The following SMCHD1 variants were observed in gnomAD, a reference collection of about 807,000 sequenced individuals.
SMCHD1 encodes the protein structural maintenance of chromosomes flexible hinge domain-containing protein 1.
In SMCHD1, 78 loss-of-function variants were observed where a neutral mutation model predicts 254.7. That is an observed-to-expected ratio of 0.31 (90% CI 0.26 to 0.37). The LOEUF (loss-of-function observed/expected upper bound fraction) is 0.37, where lower values mean the gene tolerates loss of function less well. Among genes scored for constraint, SMCHD1 ranks in the 10% least tolerant of loss-of-function variants. The pLI is 1.00. For missense variants in SMCHD1, 1,840 were observed against 2,408.1 expected, an observed-to-expected ratio of 0.76 and a Z score of 4.94; for synonymous variants, 766 against 794.9, an observed-to-expected ratio of 0.96 and a Z score of 0.61.
chr18:2,743,902 CT>C lies in SMCHD1; in HGVS notation c.3777del (p.Ile1260Ter). Reference protein sequence around the residue: ...LISGPPAKLLLIDWPELKESI... With the variant: ...LISGPPAKLLXIDWPELKESI... Reference sequence around the variant, plus strand: ...TTCTGGACCTCCTGCTAAACTTCTCCTTATAGACTGGCCAGAACTAAAGGAG... The same window carrying C: ...TTCTGGACCTCCTGCTAAACTTCTCCTATAGACTGGCCAGAACTAAAGGAG... On this transcript the variant is annotated frameshift_variant, in exon 29 of 48. Transcript: ENST00000320876. LOFTEE classifies it high-confidence loss of function. 6.2e-7 allele frequency: 1 copy of C among 1,612,612 alleles called. No homozygotes were observed. Among genetic ancestry groups the C allele is most frequent in the Non-Finnish European group, 8.5e-7 (1 of 1,179,320 alleles).
chr18:2,734,388 G>T (rs117733602), intron 25 of SMCHD1, among the ~76,000 whole-genome samples: 2,725 of 152,240 alleles, frequency 0.018, 40 homozygotes, highest in Middle Eastern at 0.1. Context: ...GTTGTTGCCT[G>T]CATTTGACAC....
chr18:2,706,800 G>C (rs2074525012), intron 15 of SMCHD1, among the ~76,000 whole-genome samples: 1 of 152,182 alleles, frequency 6.6e-6, no homozygotes, highest in Non-Finnish European at 1.5e-5. Context: ...GAGTGTATTA[G>C]TTCGTTTTCA....
chr18:2,679,733 T>C (rs1365351806), intron 5 of SMCHD1, among the ~76,000 whole-genome samples: 1 of 152,156 alleles, frequency 6.6e-6, no homozygotes, highest in Admixed American at 6.5e-5. Flanking sequence ...TTAGAGTTCA[T>C]TGAGCTTCTC....
At chr18:2,793,817 C>T (rs1363405375) in intron 45 of SMCHD1, among the ~76,000 whole-genome samples, 1 of 152,124 alleles carries the variant, frequency 6.6e-6, no homozygotes, top group Non-Finnish European at 1.5e-5. Flanking sequence ...CAAGCACACA[C>T]AGATGTGTAT....
rs1303203828 is a variant in SMCHD1, at chr18:2,750,049, C to G, written c.3934C>G (p.Pro1312Ala). Residue 1312 changes from proline to alanine, a missense_variant, in exon 31 of 48, where the codon CCT becomes GCT. This residue lies in a region of SMCHD1 where 881 missense variants were observed against 1,009.5 expected (regional missense o/e 0.87). Transcript: ENST00000320876. ...LTKASNLKLM[P>A]SNQQHKTDEK... is the part of the protein sequence containing the mutation. ...TGTTTTGTTTTGTTTTTAGCTCATGCCTTCAAACCAACAGCATAAAACAGA... is the reference window on the plus strand; with the variant it reads ...TGTTTTGTTTTGTTTTTAGCTCATGGCTTCAAACCAACAGCATAAAACAGA... 4.5e-6 allele frequency: 7 copies of G among 1,561,530 alleles called. No individual in the cohort carries two copies. The highest frequency in any genetic ancestry group is 5.2e-6 in the Non-Finnish European group (6 of 1,152,028).
chr18:2,727,761 A>T (rs1028630572), intron 22 of SMCHD1, among the ~76,000 whole-genome samples: 2 of 152,018 alleles, frequency 1.3e-5, no homozygotes, highest in African/African-American at 2.4e-5. Flanking sequence ...AATAGTGCTT[A>T]AAAAAACTTA....
At chr18:2,728,857 C>A in intron 23 of SMCHD1, 2 of 307,470 alleles carry the variant, frequency 6.5e-6, no homozygotes, top group East Asian at 6.2e-5. Flanking sequence ...CCTCTCATTT[C>A]ATATATATGA....
At chr18:2,732,623 A>T (rs1195100867) in intron 25 of SMCHD1, 131 bp downstream of exon 25, 1 of 592,382 alleles carries the variant, frequency 1.7e-6, no homozygotes, top group African/African-American at 1.9e-5. Context: ...TATCATTTCA[A>T]ATTGTAAGCA....
chr18:2,710,793 C>T (rs1403695223), intron 17 of SMCHD1, among the ~76,000 whole-genome samples: 2 of 152,042 alleles, frequency 1.3e-5, no homozygotes, highest in Non-Finnish European at 1.5e-5. Context: ...TGAGTACATG[C>T]GATGTTAACT....
At chr18:2,699,296 C>G (rs2074349047) in intron 10 of SMCHD1, among the ~76,000 whole-genome samples, 2 of 152,246 alleles carry the variant, frequency 1.3e-5, no homozygotes, top group East Asian at 1.9e-4. Context: ...GTGCTCCTGC[C>G]CAGTACATAT....
At chr18:2,678,596 C>T (rs1359629205) in intron 5 of SMCHD1, among the ~76,000 whole-genome samples, 1 of 152,080 alleles carries the variant, frequency 6.6e-6, no homozygotes, top group Non-Finnish European at 1.5e-5. Flanking sequence ...GGATTACAGG[C>T]GTGAGCCCCA....
At chr18:2,706,576 TC>T in intron 15 of SMCHD1, 106 bp downstream of exon 15, 1 of 721,148 alleles carries the variant, frequency 1.4e-6, no homozygotes, top group Non-Finnish European at 2.3e-6. Context: ...GCATTTGTAG[TC>T]TTAGATATTG....
intron 45 of SMCHD1, among the ~76,000 whole-genome samples, chr18:2,795,344 C>T (rs954027197): frequency 1.3e-5 from 2 of 152,204 alleles, no homozygotes; most frequent in Non-Finnish European, 2.9e-5. Context: ...CAGGCGTGAA[C>T]TGCCATGCCC....
rs376999188 is a variant in SMCHD1 at position 2,803,198 on chromosome 18, G to GTGTGTATATA, written c.*647_*648insGTGTATATAT. 1 of 136,518 alleles carries GTGTGTATATA rather than the reference G, an allele frequency of 7.3e-6. No homozygotes were observed. The highest frequency in any genetic ancestry group is 2.7e-5 in the African/African-American group (1 of 36,816). The allele number at this position is 136,518 out of a possible 1,614,324, so 8.5% of individuals were successfully genotyped here. ...ACTTATCCTGTGTGTGTGTGTGTGTGTATATATATATATATATATAAATAT... is the reference window on the plus strand; with the variant it reads ...ACTTATCCTGTGTGTGTGTGTGTGTGTGTGTATATATATATATATATATATATATAAATAT... On this transcript the variant is annotated 3_prime_UTR_variant, in exon 48 of 48. Transcript: ENST00000320876.
At chr18:2,797,726 A>AC in intron 47 of SMCHD1, among the ~76,000 whole-genome samples, 1 of 152,298 alleles carries the variant, frequency 6.6e-6, no homozygotes, top group East Asian at 1.9e-4. Context: ...GGAGTTGGAG[A>AC]CCAGCCTGGC....
intron 22 of SMCHD1, 150 bp from the exon 23 acceptor site, chr18:2,728,307 C>T: frequency 2.8e-6 from 2 of 711,014 alleles, no homozygotes; most frequent in Non-Finnish European, 4.5e-6. Context: ...TGGGATGAAA[C>T]TGATTAAGCA....
At chr18:2,787,324 C>T (rs537950751) in intron 45 of SMCHD1, among the ~76,000 whole-genome samples, 5 of 152,170 alleles carry the variant, frequency 3.3e-5, no homozygotes, top group Non-Finnish European at 7.4e-5. Context: ...TTAGGCCTCA[C>T]CTCCCAACAC....
intron 31 of SMCHD1, 30 bp downstream of exon 31, chr18:2,750,152 T>C: frequency 6.4e-7 from 1 of 1,552,486 alleles, no homozygotes; most frequent in East Asian, 2.3e-5. Context: ...TAGTTGTTGG[T>C]GTTATAGAGA....
intron 41 of SMCHD1, among the ~76,000 whole-genome samples, chr18:2,774,671 A>C (rs966920828): frequency 3.3e-5 from 5 of 152,142 alleles, no homozygotes; most frequent in Admixed American, 3.3e-4. Context: ...CTGAACTCCC[A>C]AAGTGCTAGT....
Sources: allele counts gnomAD v4.1 joint callset (sites outside exome capture counted in the v4.1 genomes callset), GRCh38; gene constraint gnomAD v4.1.1; regional missense constraint gnomAD v4.1.1; transcripts MANE v1.5; gene names NCBI Gene and HGNC (gene_info 2026-07-23, HGNC 2026-07-21).